ZNF207: variants seen among roughly 807,000 people sequenced by gnomAD.
ZNF207 encodes zinc finger protein 207, also known as BUB3-interacting and GLEBS motif-containing protein ZNF207.
A neutral mutation model predicts 60.2 loss-of-function variants in ZNF207; 24 were observed. The observed-to-expected ratio is 0.40, with a 90% confidence interval of 0.29 to 0.56. The LOEUF (loss-of-function observed/expected upper bound fraction) is 0.56. Among genes scored for constraint, ZNF207 ranks in the 20% least tolerant of loss-of-function variants. ZNF207 has a pLI of 0.49. For missense variants in ZNF207, 452 were observed against 636.6 expected (o/e 0.71, Z 3.12); for synonymous variants, 236 against 194.7 (o/e 1.21, Z -1.77).
At chr17:32,363,276 C>A (rs964697071) in intron 7 of ZNF207, among the ~76,000 whole-genome samples, 1 of 151,138 alleles carries the variant, frequency 6.6e-6, no homozygotes, top group South Asian at 2.1e-4. Context: ...TTAGTAGAGA[C>A]GGGGTTTTAC....
chr17:32,373,976 A>C lies in ZNF207; in HGVS notation c.*4217A>C, dbSNP rs1469890028. 1 of 152,244 alleles carries C rather than the reference A, an allele frequency of 6.6e-6. No homozygotes were observed. The highest frequency in any genetic ancestry group is 1.9e-4 in the East Asian group (1 of 5,188). The allele number at this position is 152,244 out of a possible 1,614,324, so 9.4% of individuals were successfully genotyped here. On this transcript the variant is annotated 3_prime_UTR_variant, in exon 12 of 12. Coordinates refer to ENST00000394670, the MANE Select transcript of ZNF207 (RefSeq NM_001098507.2). ...CAGTGGTGCGATCTCGGTTCACTGC[A>C]ACCTCTGCCTCCCGGATTCAAGTGA...
In ZNF207 at chr17:32,374,840, T is replaced by C. The variant is rs1398765952; in HGVS notation, c.*5081T>C. ...AAACTATGGTTTTGGAGTGATTATT[T>C]TGAGGTTCATTTTCAGCCTCACTGA... On this transcript the variant is annotated 3_prime_UTR_variant, in exon 12 of 12. Coordinates refer to ENST00000394670, the MANE Select transcript of ZNF207 (RefSeq NM_001098507.2). 1 of 152,232 alleles carries C rather than the reference T, an allele frequency of 6.6e-6. No individual in the cohort carries two copies. Among genetic ancestry groups the C allele is most frequent in the Non-Finnish European group, 1.5e-5 (1 of 68,030 alleles). 9.4% of individuals were successfully genotyped at this position (152,232 alleles called of 1,614,324 possible).
At chr17:32,366,561 T>A (rs1905171531) in intron 8 of ZNF207, 104 bp from the exon 9 acceptor site, 3 of 779,188 alleles carry the variant, frequency 3.9e-6, no homozygotes, top group Admixed American at 6.9e-5. Flanking sequence ...TTGCATTAAA[T>A]TTTGCATTTA....
intron 1 of ZNF207, 193 bp from the exon 2 acceptor site, chr17:32,351,593 C>T (rs1597750981): frequency 3.3e-6 from 5 of 1,535,238 alleles, no homozygotes; most frequent in Middle Eastern, 2.3e-4. Context: ...GAGAGCTGGC[C>T]TTCTAGGAAA....
chr17:32,364,997 G>T (rs748012268), intron 7 of ZNF207, among the ~76,000 whole-genome samples: 6 of 152,170 alleles, frequency 3.9e-5, no homozygotes, highest in Admixed American at 6.5e-5. Flanking sequence ...AGGGTTCAGG[G>T]AGTATTTAAA....
chr17:32,360,090 A>G (rs982892827), intron 3 of ZNF207, among the ~76,000 whole-genome samples: 5 of 151,990 alleles, frequency 3.3e-5, no homozygotes, highest in Admixed American at 6.6e-5. Flanking sequence ...AAGGCATATG[A>G]AAATGAAGGA....
In ZNF207 at chr17:32,376,738, T is replaced by G. The variant is rs1397519212; in HGVS notation, c.*6979T>G. 2.0e-5 allele frequency: 3 copies of G among 152,122 alleles called. No homozygotes were observed. Among genetic ancestry groups the G allele is most frequent in the African/African-American group, 7.2e-5 (3 of 41,456 alleles). The allele number at this position is 152,122 out of a possible 1,614,324, so 9.4% of individuals were successfully genotyped here. On this transcript the variant is annotated 3_prime_UTR_variant, in exon 12 of 12. Coordinates refer to ENST00000394670, the MANE Select transcript of ZNF207 (RefSeq NM_001098507.2). ...TCTTTAAGAGGCATACAATCCGTTA[T>G]GAGAATGTTTATGTTTATGTTTTAA...
intron 2 of ZNF207, among the ~76,000 whole-genome samples, chr17:32,353,811 CAAAAAAA>C (rs536502166): frequency 2.2e-4 from 24 of 110,530 alleles, no homozygotes; most frequent in East Asian, 8.7e-4. Context: ...ACTCTGTCTC[CAAAAAAA>C]AAAAAAAAAA....
At chr17:32,356,891 A>C (rs965206363) in intron 2 of ZNF207, among the ~76,000 whole-genome samples, 10 of 152,228 alleles carry the variant, frequency 6.6e-5, no homozygotes, top group African/African-American at 2.2e-4. Flanking sequence ...AACATGTTAA[A>C]GTGCCTCAGG....
intron 7 of ZNF207, among the ~76,000 whole-genome samples, chr17:32,364,032 T>TTTCTTC (rs3064673): frequency 1.0e-4 from 15 of 149,046 alleles, no homozygotes; most frequent in African/African-American, 3.4e-4. Flanking sequence ...TCCATTTTCT[T>TTTCTTC]TTCTTCTTTT....
chr17:32,367,279 A>ATATATATATATATATATATATG (rs1458321435), intron 9 of ZNF207, among the ~76,000 whole-genome samples: 1 of 114,710 alleles, frequency 8.7e-6, no homozygotes, highest in Non-Finnish European at 1.8e-5. Context: ...ATATATATAT[A>ATATATATATATATATATATATG]TATATAAAGA....
At chr17:32,357,166 AGT>A (rs1904552564) in intron 2 of ZNF207, among the ~76,000 whole-genome samples, 1 of 146,486 alleles carries the variant, frequency 6.8e-6, no homozygotes, top group Non-Finnish European at 1.5e-5. Context: ...TGGGTGGCAG[AGT>A]GAGACCCTGT....
intron 5 of ZNF207, chr17:32,361,208 T>C: frequency 1.7e-6 from 1 of 586,950 alleles, no homozygotes; most frequent in South Asian, 2.4e-5. Flanking sequence ...TTGCATTTAC[T>C]GTGATTAAAG....
chr17:32,357,520 T>C (rs1365920799), intron 2 of ZNF207, among the ~76,000 whole-genome samples: 1 of 151,648 alleles, frequency 6.6e-6, no homozygotes, highest in Admixed American at 6.6e-5. Flanking sequence ...GGCTAATTTT[T>C]GTATTTTTAG....
intron 1 of ZNF207, 110 bp from the exon 2 acceptor site, chr17:32,351,676 A>G (rs773031624): frequency 2.2e-5 from 35 of 1,602,932 alleles, no homozygotes; most frequent in Non-Finnish European, 2.9e-5. Flanking sequence ...GAGTTTCTAT[A>G]CAGTACCATT....
chr17:32,363,529 CTTTTTTTTTTTTTT>C (rs746944466), intron 7 of ZNF207, among the ~76,000 whole-genome samples: 981 of 69,642 alleles, frequency 0.014, 30 homozygotes, highest in African/African-American at 0.046. Flanking sequence ...ATCCAACAAA[CTTTTTTTTTTTTTT>C]TTTTTTTTTT....
chr17:32,374,289 C>G lies in ZNF207; in HGVS notation c.*4530C>G, dbSNP rs2150806754. 7.3e-6 allele frequency: 1 copy of G among 137,392 alleles called. No homozygotes were observed. The highest frequency in any genetic ancestry group is 2.8e-5 in the African/African-American group (1 of 36,042). 8.5% of individuals were successfully genotyped at this position (137,392 alleles called of 1,614,324 possible). ...CCAGAGTGCAGTAGCACGATCTCAG[C>G]TCACTACAACCTCCACCTCCTGGAT... On this transcript the variant is annotated 3_prime_UTR_variant, in exon 12 of 12. Coordinates refer to ENST00000394670, the MANE Select transcript of ZNF207 (RefSeq NM_001098507.2).
At position 32,362,194 on chromosome 17, in the gene ZNF207, C is replaced by T. The variant is rs993136095; in HGVS notation, c.599+679C>T. Reference sequence around the variant, plus strand: ...TTTGACACAGGGTCTCTTACTCTGTCGCCCAGACTACAGTGCAGTGGCGCA... The same window carrying T: ...TTTGACACAGGGTCTCTTACTCTGTTGCCCAGACTACAGTGCAGTGGCGCA... On this transcript the variant is annotated intron_variant, in intron 6 of 11. Coordinates refer to ENST00000394670, the MANE Select transcript of ZNF207 (RefSeq NM_001098507.2). 3.3e-5 allele frequency among the ~76,000 whole-genome samples: 5 copies of T among 151,846 alleles called. No homozygotes were observed. The East Asian group carries it at 7.7e-4, about 23-fold the overall frequency.
rs557104902 is a variant in ZNF207, at chr17:32,379,309, A to G, written c.*9550A>G. 3 of 152,194 alleles carry G rather than the reference A, an allele frequency of 2.0e-5. No homozygotes were observed. The highest frequency in any genetic ancestry group is 6.5e-5 in the Admixed American group (1 of 15,290). The allele number at this position is 152,194 out of a possible 1,614,324, so 9.4% of individuals were successfully genotyped here. On this transcript the variant is annotated 3_prime_UTR_variant, in exon 12 of 12. Coordinates refer to ENST00000394670, the MANE Select transcript of ZNF207 (RefSeq NM_001098507.2). Reference sequence around the variant, plus strand: ...AAAGAGGTGAGCACTCTGAATTTCTACATCTTTGGATATTACTTGAATCAA... The same window carrying G: ...AAAGAGGTGAGCACTCTGAATTTCTGCATCTTTGGATATTACTTGAATCAA...
Sources: gnomAD v4.1 joint callset for allele counts (sites outside exome capture counted in the v4.1 genomes callset) on GRCh38, gnomAD v4.1.1 for gene constraint, MANE v1.5 for transcripts, NCBI Gene and HGNC (gene_info 2026-07-23, HGNC 2026-07-21) for gene names.